The following NAALADL2 variants were observed in gnomAD, a reference collection of about 807,000 sequenced individuals.
NAALADL2 encodes the protein inactive N-acetylated-alpha-linked acidic dipeptidase-like protein 2.
In NAALADL2, 76 loss-of-function variants were observed where a neutral mutation model predicts 87.2. That is an observed-to-expected ratio of 0.87 (90% CI 0.72 to 1.05). NAALADL2 has a LOEUF of 1.05. NAALADL2 is among the 50% of genes least tolerant of loss of function. The pLI is 0.00. For synonymous variants in NAALADL2, 354 were observed against 331.0 expected (o/e 1.07, Z -0.75); for missense variants, 1,089 against 945.8 (o/e 1.15, Z -1.99).
At chr3:174,935,284 G>A (rs1737527647) in intron 1 of NAALADL2, among the ~76,000 whole-genome samples, 1 of 152,088 alleles carries the variant, frequency 6.6e-6, no homozygotes, top group African/African-American at 2.4e-5. Flanking sequence ...GGTGTTCTTT[G>A]CAGATGTTAA....
chr3:175,037,686 C>A (rs1753579346), intron 1 of NAALADL2, among the ~76,000 whole-genome samples: 1 of 152,154 alleles, frequency 6.6e-6, no homozygotes, highest in African/African-American at 2.4e-5. Context: ...CTCATGCCTG[C>A]TTCTACCTCC....
chr3:174,848,439 T>A (rs1724880715), intron 3 of NAALADL2, among the ~76,000 whole-genome samples: 1 of 152,130 alleles, frequency 6.6e-6, no homozygotes, highest in African/African-American at 2.4e-5. Flanking sequence ...TTGAAATCAC[T>A]TAGAAGTGGG....
At chr3:175,759,905 C>T (rs1747776192) in intron 13 of NAALADL2, among the ~76,000 whole-genome samples, 1 of 152,026 alleles carries the variant, frequency 6.6e-6, no homozygotes, top group African/African-American at 2.4e-5. Context: ...GAGGTTTGGG[C>T]TTCATTTTTC....
At chr3:175,380,218 A>T (rs761387298) in intron 5 of NAALADL2, among the ~76,000 whole-genome samples, 1 of 152,150 alleles carries the variant, frequency 6.6e-6, no homozygotes, top group Non-Finnish European at 1.5e-5. Flanking sequence ...TTAAAAAAAT[A>T]AATTAATTAA....
At chr3:175,490,358 A>T (rs1727877371) in intron 9 of NAALADL2, among the ~76,000 whole-genome samples, 1 of 151,902 alleles carries the variant, frequency 6.6e-6, no homozygotes, top group South Asian at 2.1e-4. Flanking sequence ...CTCGCTTAAA[A>T]CATAAGTATC....
intron 3 of NAALADL2, among the ~76,000 whole-genome samples, chr3:175,249,837 G>A (rs1036989299): frequency 6.6e-6 from 1 of 152,040 alleles, no homozygotes; most frequent in Admixed American, 6.6e-5. Flanking sequence ...GGCATTTAAG[G>A]TTAAATGAGG....
chr3:174,785,032 T>C (rs1716429686), intron 3 of NAALADL2, among the ~76,000 whole-genome samples: 1 of 151,826 alleles, frequency 6.6e-6, no homozygotes, highest in Non-Finnish European at 1.5e-5. Context: ...TATAATTTTA[T>C]CTTTTATTTT....
chr3:175,359,157 TCTTA>T (rs778130329), intron 5 of NAALADL2, among the ~76,000 whole-genome samples: 25 of 152,102 alleles, frequency 1.6e-4, no homozygotes, highest in Non-Finnish European at 3.4e-4. Flanking sequence ...AGTAGCAATC[TCTTA>T]CTATCAGTTA....
intron 3 of NAALADL2, among the ~76,000 whole-genome samples, chr3:174,813,953 T>A (rs1720501259): frequency 6.6e-6 from 1 of 152,172 alleles, no homozygotes. Flanking sequence ...ACATATGCAC[T>A]CCACCCCACA....
intron 2 of NAALADL2, among the ~76,000 whole-genome samples, chr3:174,707,812 A>C (rs1730243249): frequency 1.3e-5 from 2 of 152,224 alleles, no homozygotes; most frequent in South Asian, 4.2e-4. Flanking sequence ...AATTTTAAAA[A>C]AGGACATCAA....
Position 175,283,338 on chromosome 3 carries a change from A to G in NAALADL2, c.939+26808A>G, listed in dbSNP as rs560822362. ...TTGCATTTTCTACCTTCAGGATACC[A>G]TTGTATTTGCTGTTACCCTTTAGAC... On this transcript the variant is annotated intron_variant, in intron 4 of 13. Transcript: ENST00000454872. Among the ~76,000 whole-genome samples, 7 of 152,154 alleles carry G rather than the reference A, an allele frequency of 4.6e-5. No individual in the cohort carries two copies. In the East Asian group the frequency reaches 7.7e-4, roughly 17 times the overall value.
intron 2 of NAALADL2, among the ~76,000 whole-genome samples, chr3:174,601,288 A>C (rs1718436702): frequency 6.6e-6 from 1 of 152,052 alleles, no homozygotes; most frequent in Admixed American, 6.6e-5. Flanking sequence ...TTTTCTCCAC[A>C]TCCTCACCAG....
intron 1 of NAALADL2, among the ~76,000 whole-genome samples, chr3:175,007,601 A>G (rs556335265): frequency 9.2e-4 from 140 of 152,302 alleles, no homozygotes; most frequent in Non-Finnish European, 1.5e-3. Flanking sequence ...AAAGACTTTC[A>G]GATTATTGGC....
chr3:174,924,511 G>A (rs558352199), intron 1 of NAALADL2, among the ~76,000 whole-genome samples: 38 of 152,066 alleles, frequency 2.5e-4, no homozygotes, highest in Middle Eastern at 6.8e-3. Context: ...GAATAGTGCC[G>A]CAATAAACAT....
chr3:174,518,321 T>A (rs1051565985), intron 1 of NAALADL2, among the ~76,000 whole-genome samples: 1 of 152,222 alleles, frequency 6.6e-6, no homozygotes, highest in African/African-American at 2.4e-5. Context: ...GATTTGTCTT[T>A]AATACTTTCT....
intron 3 of NAALADL2, among the ~76,000 whole-genome samples, chr3:174,819,618 C>A (rs1425505468): frequency 1.3e-5 from 2 of 152,078 alleles, no homozygotes; most frequent in Admixed American, 1.3e-4. Context: ...CTTTTTGATG[C>A]AGCCCATTAT....
intron 3 of NAALADL2, among the ~76,000 whole-genome samples, chr3:175,241,159 C>T (rs1746806096): frequency 6.6e-6 from 1 of 152,136 alleles, no homozygotes; most frequent in African/African-American, 2.4e-5. Context: ...ATTTTATGAG[C>T]TCTGTTCACT....
chr3:174,871,469 G>T (rs1302730618), intron 1 of NAALADL2, among the ~76,000 whole-genome samples: 1 of 152,166 alleles, frequency 6.6e-6, no homozygotes, highest in Non-Finnish European at 1.5e-5. Flanking sequence ...GTGAAAGTTT[G>T]CCACATAGGC....
intron 4 of NAALADL2, among the ~76,000 whole-genome samples, chr3:175,304,152 G>C (rs1757419466): frequency 6.6e-6 from 1 of 152,076 alleles, no homozygotes; most frequent in Non-Finnish European, 1.5e-5. Context: ...ATTTGCTCCA[G>C]ACAAGAGAAA....
Sources: allele counts gnomAD v4.1 joint callset (sites outside exome capture counted in the v4.1 genomes callset), GRCh38; gene constraint gnomAD v4.1.1; transcripts MANE v1.5; gene names NCBI Gene and HGNC (gene_info 2026-07-23, HGNC 2026-07-21).